Variants in CADM1 observed in about 807,000 individuals in gnomAD.
The protein encoded by CADM1 is TSLC-1.
In CADM1, 15 loss-of-function variants were observed where a neutral mutation model predicts 53.1. The observed-to-expected ratio is 0.28, with a 90% confidence interval of 0.19 to 0.44. CADM1 has a LOEUF of 0.44. Ranked by LOEUF, CADM1 falls within the 20% of genes least tolerant of loss-of-function variation. The pLI is 1.00. For synonymous variants in CADM1, 281 were observed against 243.0 expected (o/e 1.16, Z -1.45); for missense variants, 434 against 611.3 (o/e 0.71, Z 3.06).
At chr11:115,258,808 CAACCATCTTTCAAATAGGAAG>C (rs2135008356) in intron 1 of CADM1, among the ~76,000 whole-genome samples, 1 of 152,294 alleles carries the variant, frequency 6.6e-6, no homozygotes, top group East Asian at 1.9e-4. Context: ...TCCTTTCCTC[CAACCATCTTTCAAATAGGAAG>C]AGTCCTACTT....
At chr11:115,330,292 TA>T (rs1331401445) in intron 1 of CADM1, among the ~76,000 whole-genome samples, 1 of 152,190 alleles carries the variant, frequency 6.6e-6, no homozygotes, top group Non-Finnish European at 1.5e-5. Flanking sequence ...TTACTAGATG[TA>T]AACTCTTCAG....
At chr11:115,334,248 G>C (rs1290122116) in intron 1 of CADM1, among the ~76,000 whole-genome samples, 1 of 152,164 alleles carries the variant, frequency 6.6e-6, no homozygotes, top group Non-Finnish European at 1.5e-5. Context: ...CTCTTCACCA[G>C]AGTGTGGACC....
At chr11:115,179,432 C>T (rs1939205164) in intron 10 of CADM1, among the ~76,000 whole-genome samples, 1 of 152,170 alleles carries the variant, frequency 6.6e-6, no homozygotes, top group Non-Finnish European at 1.5e-5. Flanking sequence ...ATTTATTTAA[C>T]ACCTTGCAAT....
intron 1 of CADM1, among the ~76,000 whole-genome samples, chr11:115,458,157 CTGAT>C (rs1471003225): frequency 4.6e-5 from 7 of 151,826 alleles, no homozygotes; most frequent in Admixed American, 3.3e-4. Context: ...ACACTGAGCT[CTGAT>C]TAATTTTCAA....
chr11:115,248,381 TA>T (rs1175736394), intron 1 of CADM1, among the ~76,000 whole-genome samples: 4 of 152,178 alleles, frequency 2.6e-5, no homozygotes, highest in African/African-American at 9.7e-5. Flanking sequence ...CCCACATCAC[TA>T]AAAGTGCCAA....
Position 115,263,114 on chromosome 11 carries a change from GCAT to G in CADM1, c.125-22697_125-22695del, listed in dbSNP as rs1182546910. On this transcript the variant is annotated intron_variant, in intron 1 of 11. Coordinates refer to ENST00000331581, the MANE Select transcript of CADM1 (RefSeq NM_001301043.2). ...CACGGAGGCGACGCGCCCCTTCATT[GCAT>G]CATATCATGAGGTACATGACGTCAA... 2.6e-5 allele frequency among the ~76,000 whole-genome samples: 4 copies of G among 152,364 alleles called. No individual in the cohort carries two copies. The East Asian group carries it at 7.7e-4, about 29-fold the overall frequency.
intron 1 of CADM1, among the ~76,000 whole-genome samples, chr11:115,489,628 T>TAGG (rs1250707318): frequency 1.3e-5 from 2 of 152,172 alleles, no homozygotes; most frequent in East Asian, 3.8e-4. Context: ...GGTATGAGGA[T>TAGG]AGGACATGTC....
chr11:115,364,536 A>G (rs2135104787), intron 1 of CADM1, among the ~76,000 whole-genome samples: 1 of 143,122 alleles, frequency 7.0e-6, no homozygotes, highest in South Asian at 2.4e-4. Context: ...ATAGTGGGGG[A>G]AAATATAAAG....
At chr11:115,325,102 A>T (rs977507878) in intron 1 of CADM1, among the ~76,000 whole-genome samples, 4 of 152,228 alleles carry the variant, frequency 2.6e-5, no homozygotes, top group Non-Finnish European at 5.9e-5. Flanking sequence ...TTTTAAAGCC[A>T]TTAGCATCCC....
At chr11:115,267,803 A>G (rs1943187179) in intron 1 of CADM1, among the ~76,000 whole-genome samples, 1 of 150,812 alleles carries the variant, frequency 6.6e-6, no homozygotes. Flanking sequence ...GGCTGGGTGG[A>G]CAGTTTAACC....
At chr11:115,350,504 TTTTTC>T (rs921407750) in intron 1 of CADM1, among the ~76,000 whole-genome samples, 3 of 126,854 alleles carry the variant, frequency 2.4e-5, no homozygotes, top group African/African-American at 7.9e-5. Flanking sequence ...GACCATTCTT[TTTTTC>T]TTTTTTTTTT....
intron 9 of CADM1, among the ~76,000 whole-genome samples, chr11:115,197,104 T>C (rs921807723): frequency 2.0e-5 from 3 of 152,174 alleles, no homozygotes; most frequent in Non-Finnish European, 2.9e-5. Flanking sequence ...GAAGGATATA[T>C]TGCTCAGTAC....
chr11:115,244,758 T>C (rs1341793154), intron 1 of CADM1, among the ~76,000 whole-genome samples: 1 of 152,232 alleles, frequency 6.6e-6, no homozygotes, highest in Admixed American at 6.5e-5. Flanking sequence ...GAGGGTTGTT[T>C]GCCTATGAGC....
intron 1 of CADM1, among the ~76,000 whole-genome samples, chr11:115,416,480 T>A (rs1238108598): frequency 2.6e-5 from 4 of 151,870 alleles, no homozygotes; most frequent in Non-Finnish European, 5.9e-5. Flanking sequence ...AGACTCTCCT[T>A]ATCAGTATTT....
chr11:115,305,034 C>T (rs1944327275), intron 1 of CADM1, among the ~76,000 whole-genome samples: 1 of 151,974 alleles, frequency 6.6e-6, no homozygotes, highest in African/African-American at 2.4e-5. Context: ...CTGTCTCAAC[C>T]ATGCACGAAA....
At chr11:115,389,440 T>G (rs886283387) in intron 1 of CADM1, among the ~76,000 whole-genome samples, 1 of 152,230 alleles carries the variant, frequency 6.6e-6, no homozygotes. Flanking sequence ...CAAAGATATT[T>G]GTCAAAGCAT....
chr11:115,320,876 A>G (rs1591706143), intron 1 of CADM1, among the ~76,000 whole-genome samples: 3 of 152,198 alleles, frequency 2.0e-5, no homozygotes, highest in East Asian at 3.9e-4. Flanking sequence ...CTGTTAAAAT[A>G]TTATTTTTGA....
At chr11:115,279,940 T>A (rs1591666272) in intron 1 of CADM1, among the ~76,000 whole-genome samples, 2 of 152,284 alleles carry the variant, frequency 1.3e-5, no homozygotes, top group East Asian at 3.9e-4. Context: ...CTAGGATGAG[T>A]GCGTGACTCG....
At chr11:115,312,430 T>C (rs1944556206) in intron 1 of CADM1, among the ~76,000 whole-genome samples, 1 of 152,076 alleles carries the variant, frequency 6.6e-6, no homozygotes. Context: ...GCTAAATAAA[T>C]ACACTGCTGG....
Sources: gnomAD v4.1 joint callset for allele counts (sites outside exome capture counted in the v4.1 genomes callset) on GRCh38, gnomAD v4.1.1 for gene constraint, MANE v1.5 for transcripts, NCBI Gene and HGNC (gene_info 2026-07-23, HGNC 2026-07-21) for gene names.